CTSA: variants seen among roughly 807,000 people sequenced by gnomAD.
The protein encoded by CTSA is lysosomal protective protein.
A neutral mutation model predicts 66.7 loss-of-function variants in CTSA; 42 were observed. The ratio of observed to expected loss-of-function variants is 0.63; its 90% CI spans 0.49 to 0.81. The LOEUF (loss-of-function observed/expected upper bound fraction) is 0.81. CTSA is among the 40% of genes least tolerant of loss of function. CTSA has a pLI of 0.00. For missense variants in CTSA, 525 were observed against 610.9 expected, an observed-to-expected ratio of 0.86 and a Z score of 1.48; for synonymous variants, 225 against 248.6, an observed-to-expected ratio of 0.91 and a Z score of 0.89.
chr20:45,896,833 C>G lies in CTSA; in HGVS notation c.1089-132C>G, dbSNP rs536421636. 120 of 795,806 alleles carry G rather than the reference C, an allele frequency of 1.5e-4. 1 individual carries two copies. The highest frequency in any genetic ancestry group is 7.7e-4 in the South Asian group (57 of 73,622). 49.3% of individuals were successfully genotyped at this position (795,806 alleles called of 1,614,324 possible). A position where few individuals can be genotyped will look rare whatever the true frequency, so the allele number is the denominator to read the frequency against. Reference sequence around the variant, plus strand: ...TCAGTCCTAGAGAGGTGGCCCCCCCCCAAAAAGGGGAGTGGAACCCAGCTG... The same window carrying G: ...TCAGTCCTAGAGAGGTGGCCCCCCCGCAAAAAGGGGAGTGGAACCCAGCTG... On this transcript the variant is annotated intron_variant, in intron 11 of 14. Coordinates refer to ENST00000646241, the MANE Select transcript of CTSA (RefSeq NM_000308.4).
At chr20:45,892,568 G>A (rs1987023030) in intron 5 of CTSA, 84 bp downstream of exon 5, 1 of 1,529,860 alleles carries the variant, frequency 6.5e-7, no homozygotes, top group Non-Finnish European at 9.0e-7. Context: ...CATGGCCTTG[G>A]AGTCTACTTT....
At position 45,897,031 on chromosome 20, in the gene CTSA, T is replaced by G; in HGVS notation, c.1155T>G (p.Leu385=). ...RSMNSQYLKL[L]SSQKYQILLY... is the part of the protein sequence containing the mutation. ...TGAACTCCCAGTATCTGAAGCTGCT[T>G]AGCTCACAGGTGAGTGGGGAGAGCA... The change falls in exon 12 of 15, where the codon CTT becomes CTG. Residue 385 remains leucine, a synonymous_variant. Transcript: ENST00000646241. 3 of 1,613,180 alleles carry G rather than the reference T, an allele frequency of 1.9e-6. No individual in the cohort carries two copies. The highest frequency in any genetic ancestry group is 2.5e-6 in the Non-Finnish European group (3 of 1,179,304).
intron 7 of CTSA, 74 bp from the exon 8 acceptor site, chr20:45,893,914 G>C (rs376106144): frequency 6.6e-5 from 59 of 892,818 alleles, no homozygotes; most frequent in South Asian, 4.4e-4. Context: ...GTGGGAGGTG[G>C]GGGGTATGCT....
In CTSA at chr20:45,892,499, T is replaced by A. The variant is rs139589499; in HGVS notation, c.444+15T>A. The A allele has an allele frequency of 1.9e-6, 3 of 1,611,496 alleles. No homozygotes were observed. The East Asian group carries it at 6.7e-5, about 36-fold the overall frequency. On this transcript the variant is annotated intron_variant, in intron 5 of 14. Coordinates refer to ENST00000646241, the MANE Select transcript of CTSA (RefSeq NM_000308.4). ...ATGACACTGAGGTGAGTCTGGTGCC[T>A]GCCCATCTGCCCCAGGCTCCCCGGT...
At chr20:45,896,244 A>ACCCCCC (rs58016224) in intron 11 of CTSA, 2 of 136,400 alleles carry the variant, frequency 1.5e-5, no homozygotes, top group African/African-American at 5.5e-5. Flanking sequence ...TCCTGTGGCC[A>ACCCCCC]CCCCCCCCCA....
chr20:45,898,747 C>A lies in CTSA; in HGVS notation c.*297C>A. 1 of 715,234 alleles carries A rather than the reference C, an allele frequency of 1.4e-6. No individual in the cohort carries two copies. The highest frequency in any genetic ancestry group is 2.3e-6 in the Non-Finnish European group (1 of 434,210). 44.3% of individuals were successfully genotyped at this position (715,234 alleles called of 1,614,324 possible). ...CCCAGGAACCCAACAGAGCTCAGGA[C>A]AGCCCACAGGGAGGTGGTGGACGGA... On this transcript the variant is annotated 3_prime_UTR_variant, in exon 15 of 15. Transcript: ENST00000646241. This position sits in a 1 kb window ranked among gnomAD's most constrained non-coding sequence, Gnocchi z 4.6.
intron 11 of CTSA, chr20:45,896,353 C>CCCACA (rs2083106588): frequency 5.5e-6 from 1 of 180,878 alleles, no homozygotes; most frequent in South Asian, 1.1e-4. Context: ...TGTTGTGACT[C>CCCACA]CCACACCTGC....
chr20:45,896,200 A>T (rs553524123), intron 11 of CTSA, among the ~76,000 whole-genome samples: 2 of 151,944 alleles, frequency 1.3e-5, no homozygotes, highest in East Asian at 3.9e-4. Context: ...CATCTCAAAC[A>T]ACAATAACAA....
At chr20:45,896,888 G>A in intron 11 of CTSA, 77 bp from the exon 12 acceptor site, 1 of 1,179,966 alleles carries the variant, frequency 8.5e-7, no homozygotes, top group Non-Finnish European at 1.3e-6. Context: ...CTTGGAGATA[G>A]GAGAGAAGGT....
rs1987163170 is a variant in CTSA, at chr20:45,894,918, G to A, written c.948+17G>A. ...TGGCATCAGGTGTGCGAGGGCGTGG[G>A]CTTCCTCCTGGTGAGGTGGGGGCAG... On this transcript the variant is annotated intron_variant, in intron 10 of 14. Transcript: ENST00000646241. The A allele has an allele frequency of 2.5e-6, 4 of 1,614,128 alleles. No homozygotes were observed. In the East Asian group the frequency reaches 8.9e-5, roughly 36 times the overall value.
chr20:45,892,331 TG>T lies in CTSA; in HGVS notation c.357+10del. 6.2e-7 allele frequency: 1 copy of T among 1,614,174 alleles called. No homozygotes were observed. Among genetic ancestry groups the T allele is most frequent in the Middle Eastern group, 1.7e-4 (1 of 6,060 alleles). On this transcript the variant is annotated intron_variant, in intron 4 of 14. Coordinates refer to ENST00000646241, the MANE Select transcript of CTSA (RefSeq NM_000308.4). ...CCCTATTCTTGGAATCTGGTATAGC[TG>T]GAGCTGTGGGTGTGTCTGGGCACTT...
At chr20:45,894,548 T>G in intron 8 of CTSA, 102 bp from the exon 9 acceptor site, 4 of 1,066,358 alleles carry the variant, frequency 3.8e-6, no homozygotes, top group South Asian at 1.3e-5. Context: ...AAAAAGTGGG[T>G]GAAGAGGTGA....
chr20:45,897,081 G>C (rs1190596309), intron 12 of CTSA, 41 bp downstream of exon 12: 1 of 1,507,460 alleles, frequency 6.6e-7, no homozygotes, highest in Non-Finnish European at 9.2e-7. Context: ...GCAGCCTTAG[G>C]ACCCCAGAGT....
chr20:45,894,366 A>T (rs1419435256), intron 8 of CTSA: 2 of 607,526 alleles, frequency 3.3e-6, no homozygotes, highest in Non-Finnish European at 5.8e-6. Context: ...AAGCTTCAAG[A>T]TTCCCCCTCA....
At position 45,898,594 on chromosome 20, in the gene CTSA, C is replaced by G; in HGVS notation, c.*144C>G. 1 of 853,782 alleles carries G rather than the reference C, an allele frequency of 1.2e-6. No individual in the cohort carries two copies. Among genetic ancestry groups the G allele is most frequent in the Non-Finnish European group, 1.9e-6 (1 of 524,406 alleles). 52.9% of individuals were successfully genotyped at this position (853,782 alleles called of 1,614,324 possible). A position where few individuals can be genotyped will look rare whatever the true frequency, so the allele number is the denominator to read the frequency against. On this transcript the variant is annotated 3_prime_UTR_variant, in exon 15 of 15. Transcript: ENST00000646241. The surrounding 1 kb of genome is among the most constrained non-coding windows in gnomAD (Gnocchi z 4.6). ...TTCCCAGAGCCCTGTACATCCCAGA[C>G]TGGGCCCAGGGTCTCCCATAGACAG... is the stretch of plus-strand genomic sequence containing the variant.
chr20:45,896,109 C>T (rs984975894), intron 11 of CTSA, among the ~76,000 whole-genome samples: 10 of 152,112 alleles, frequency 6.6e-5, no homozygotes, highest in Non-Finnish European at 1.3e-4. Flanking sequence ...GGAGGAGAAT[C>T]GCTTGAACCC....
In CTSA at chr20:45,892,041, A is replaced by G. The variant is rs756891498; in HGVS notation, c.306+14A>G. ...GGCCCCTTCCTGGTGAGTGGACAGC[A>G]GGGGGAAAGCACAGTTCCCAAAGTA... On this transcript the variant is annotated intron_variant, in intron 3 of 14. Transcript: ENST00000646241. 4 of 1,604,832 alleles carry G rather than the reference A, an allele frequency of 2.5e-6. No homozygotes were observed. The highest frequency in any genetic ancestry group is 3.4e-6 in the Non-Finnish European group (4 of 1,171,748).
chr20:45,893,526 A>G, intron 7 of CTSA: 1 of 559,782 alleles, frequency 1.8e-6, no homozygotes, highest in South Asian at 2.0e-5. Flanking sequence ...TTTGTCACCC[A>G]GGCTGGAGTG....
In CTSA at chr20:45,892,451, C is replaced by T. The variant is rs781184006; in HGVS notation, c.411C>T (p.Ser137=). The part of the protein sequence containing the change: ...ESPAGVGFSY[S]DDKFYATNDT... ...CAGCTGGGGTGGGCTTCTCCTACTCCGATGACAAGTTTTATGCAACTAATG... is the reference window on the plus strand; with the variant it reads ...CAGCTGGGGTGGGCTTCTCCTACTCTGATGACAAGTTTTATGCAACTAATG... The change falls in exon 5 of 15, where the codon TCC becomes TCT. Residue 137 remains serine, a synonymous_variant. Coordinates refer to ENST00000646241, the MANE Select transcript of CTSA (RefSeq NM_000308.4). 1.8e-5 allele frequency: 29 copies of T among 1,614,030 alleles called. No homozygotes were observed. The highest frequency in any genetic ancestry group is 4.0e-5 in the African/African-American group (3 of 74,884).
Sources: gnomAD v4.1 joint callset for allele counts (sites outside exome capture counted in the v4.1 genomes callset) on GRCh38, gnomAD v4.1.1 for gene constraint, Gnocchi (gnomAD v3.1) non-coding constraint, MANE v1.5 for transcripts, NCBI Gene and HGNC (gene_info 2026-07-23, HGNC 2026-07-21) for gene names.